The following RFC5 variants were observed in gnomAD, a reference collection of about 807,000 sequenced individuals.
RFC5 encodes replication factor C subunit 5.
Under a neutral mutation model 44.3 loss-of-function variants are expected in RFC5, and 26 were observed. The ratio of observed to expected loss-of-function variants is 0.59; its 90% CI spans 0.43 to 0.81. The LOEUF is 0.81. Ranked by LOEUF, RFC5 falls within the 40% of genes least tolerant of loss-of-function variation. The pLI, the probability that RFC5 is intolerant of heterozygous loss-of-function variation, is 0.00. For synonymous variants in RFC5, 155 were observed against 155.2 expected (o/e 1.00, Z 0.01); for missense variants, 328 against 418.6 (o/e 0.78, Z 1.89).
At chr12:118,035,061 G>A (rs754049741), downstream of RFC5, 7 of 1,614,118 alleles carry the variant, frequency 4.3e-6, no homozygotes, top group African/African-American at 9.3e-5. Context: ...TGCAATGGGA[G>A]TTTTCAGTTC....
the RFC5 span, among the ~76,000 whole-genome samples, chr12:118,038,783 C>T: frequency 6.6e-6 from 1 of 152,076 alleles, no homozygotes; most frequent in Non-Finnish European, 1.5e-5. Flanking sequence ...CAAGTTGAAG[C>T]GATTCTCCTG....
At chr12:118,028,106 G>A in intron 9 of RFC5, 76 bp downstream of exon 9, 1 of 875,412 alleles carries the variant, frequency 1.1e-6, no homozygotes, top group South Asian at 1.3e-5. Context: ...GTTAGGACAG[G>A]AGGCTTCATT....
chr12:118,024,175 A>T (rs2030762060), intron 5 of RFC5, among the ~76,000 whole-genome samples: 1 of 151,944 alleles, frequency 6.6e-6, no homozygotes, highest in Admixed American at 6.6e-5. Context: ...CCCCGTCTCT[A>T]CTAAAAATAT....
At chr12:118,020,796 T>G in intron 3 of RFC5, 110 bp from the exon 4 acceptor site, 2 of 593,044 alleles carry the variant, frequency 3.4e-6, no homozygotes, top group Non-Finnish European at 6.0e-6. Context: ...TCATTAGACA[T>G]AGAGAGCTAG....
At chr12:118,017,597 A>G in intron 1 of RFC5, 3 of 962,998 alleles carry the variant, frequency 3.1e-6, no homozygotes, top group Non-Finnish European at 3.9e-6. Context: ...ATTGTCTAGT[A>G]ACTAGTTCAA....
At chr12:118,032,961 G>T (rs1017014986), downstream of RFC5, 10 of 151,982 alleles carry the variant, frequency 6.6e-5, no homozygotes, top group Non-Finnish European at 1.2e-4. Context: ...ATTTTGAAAA[G>T]ACATGTTTTT....
intron 1 of RFC5, among the ~76,000 whole-genome samples, 156 bp downstream of exon 1, chr12:118,017,048 C>T (rs2030135728): frequency 6.6e-6 from 1 of 152,156 alleles, no homozygotes; most frequent in Non-Finnish European, 1.5e-5. Flanking sequence ...TTTCCCCCGA[C>T]ACCCCCCAGC....
At chr12:118,034,703 T>G, downstream of RFC5, 1 of 506,106 alleles carries the variant, frequency 2.0e-6, no homozygotes, top group South Asian at 2.8e-5. Flanking sequence ...TAGCCCTAAA[T>G]GGTTTCCCAT....
chr12:118,020,924 C>G lies in RFC5; in HGVS notation c.286C>G (p.Arg96Gly). ...CATTTAGCTGAATGCTTCAGATGAC[C>G]GAGGAATAGACATCATTCGAGGACC... ...MVLELNASDD[R>G]GIDIIRGPIL... is the part of the protein sequence containing the mutation. The change falls in exon 4 of 11, where the codon CGA becomes GGA. Residue 96 changes from arginine (R) to glycine (G), a missense_variant. Transcript: ENST00000454402. 6.2e-7 allele frequency: 1 copy of G among 1,610,218 alleles called. No individual in the cohort carries two copies.
Position 118,016,846 on chromosome 12 carries a change from A to G in RFC5, c.19A>G (p.Lys7Glu), listed in dbSNP as rs1164117767. 1.2e-6 allele frequency: 2 copies of G among 1,613,528 alleles called. No homozygotes were observed. The highest frequency in any genetic ancestry group is 4.5e-5 in the East Asian group (2 of 44,840). The change falls in exon 1 of 11, where the codon AAG becomes GAG. Residue 7 changes from lysine to glutamate, a missense_variant. Transcript: ENST00000454402. METSALKQQEQPAATKI... is the reference protein window; with the variant it reads METSALEQQEQPAATKI... Reference sequence around the variant, plus strand: ...CCCCGCCATGGAGACCTCAGCACTCAAGCAGCAGGAGCAGCCCGCGGCGAC... The same window carrying G: ...CCCCGCCATGGAGACCTCAGCACTCGAGCAGCAGGAGCAGCCCGCGGCGAC...
chr12:118,022,405 A>C (rs1194956666), intron 5 of RFC5, 46 bp downstream of exon 5: 1 of 1,286,244 alleles, frequency 7.8e-7, no homozygotes, highest in African/African-American at 1.5e-5. Context: ...TGCACACTGG[A>C]AGGAGAATTA....
At chr12:118,018,727 A>G (rs2030277369) in intron 1 of RFC5, among the ~76,000 whole-genome samples, 2 of 152,062 alleles carry the variant, frequency 1.3e-5, no homozygotes, top group Non-Finnish European at 2.9e-5. Context: ...CTCCCACCCC[A>G]GCCTTCGGGG....
In RFC5 at chr12:118,031,547, T is replaced by A. The variant is rs1199015329; in HGVS notation, c.*269T>A. The stretch of plus-strand genomic sequence containing the variant: ...AAAAATAACCTTTTTTATTTTAAAG[T>A]TATAAGGTTTTTACCTTTTAGTTGC... On this transcript the variant is annotated 3_prime_UTR_variant, in exon 11 of 11. Coordinates refer to ENST00000454402, the MANE Select transcript of RFC5 (RefSeq NM_007370.7). The A allele has an allele frequency of 4.3e-6, 1 of 234,030 alleles. No homozygotes were observed. Among genetic ancestry groups the A allele is most frequent in the African/African-American group, 2.3e-5 (1 of 44,370 alleles). 14.5% of individuals were successfully genotyped at this position (234,030 alleles called of 1,614,324 possible). A position where few individuals can be genotyped will look rare whatever the true frequency, so the allele number is the denominator to read the frequency against.
downstream of RFC5, chr12:118,034,031 A>G: frequency 1.1e-6 from 1 of 900,048 alleles, no homozygotes; most frequent in Non-Finnish European, 1.7e-6. Flanking sequence ...CAGGGAGAGA[A>G]AGATCCATGA....
chr12:118,041,238 G>A, the RFC5 span, among the ~76,000 whole-genome samples: 2 of 152,106 alleles, frequency 1.3e-5, no homozygotes, highest in South Asian at 2.1e-4. Flanking sequence ...AAGTCAATAG[G>A]TCATGAGGGT....
At chr12:118,034,423 T>C, downstream of RFC5, 1 of 1,576,578 alleles carries the variant, frequency 6.3e-7, no homozygotes, top group African/African-American at 1.4e-5. Context: ...TGAGGATGAA[T>C]ACTCATGTTT....
downstream of RFC5, chr12:118,035,370 T>A: frequency 6.5e-7 from 1 of 1,541,084 alleles, no homozygotes; most frequent in Non-Finnish European, 9.0e-7. Context: ...TGATGGCTGC[T>A]CTCCACCCTC....
chr12:118,039,023 C>T, the RFC5 span, among the ~76,000 whole-genome samples: 2 of 152,090 alleles, frequency 1.3e-5, no homozygotes, highest in African/African-American at 4.8e-5. Flanking sequence ...TTTAGGCTCC[C>T]CAACCACCTC....
intron 7 of RFC5, among the ~76,000 whole-genome samples, chr12:118,026,161 A>C (rs1317647053): frequency 6.6e-6 from 1 of 152,012 alleles, no homozygotes; most frequent in Non-Finnish European, 1.5e-5. Context: ...GCAAATCCTG[A>C]GTCATTGTTT....
Sources: allele counts gnomAD v4.1 joint callset (sites outside exome capture counted in the v4.1 genomes callset), GRCh38; gene constraint gnomAD v4.1.1; transcripts MANE v1.5; gene names NCBI Gene and HGNC (gene_info 2026-07-23, HGNC 2026-07-21).